STARD9: variants seen among roughly 807,000 people sequenced by gnomAD.
STARD9 encodes the protein stAR-related lipid transfer protein 9.
In STARD9, 346 loss-of-function variants were observed where a neutral mutation model predicts 399.8. That is an observed-to-expected ratio of 0.87 (90% confidence interval 0.79 to 0.95). The LOEUF is 0.95. Ranked by LOEUF, STARD9 falls within the 40% of genes least tolerant of loss-of-function variation. The pLI is 0.00. For synonymous variants in STARD9, 2,203 were observed against 2,143.5 expected, an observed-to-expected ratio of 1.03 and a Z score of -0.77; for missense variants, 5,832 against 5,667.5, an observed-to-expected ratio of 1.03 and a Z score of -0.93.
intron 20 of STARD9, among the ~76,000 whole-genome samples, chr15:42,680,607 G>GA (rs1438018531): frequency 5.3e-5 from 8 of 152,144 alleles, no homozygotes; most frequent in African/African-American, 9.6e-5. Context: ...CTCAAAAAAA[G>GA]AAAAAATCTA....
chr15:42,718,005 CTTTACTACAA>C lies in STARD9; in HGVS notation c.13589_13598del (p.Leu4530ArgfsTer49). 6.5e-7 allele frequency: 1 copy of C among 1,537,202 alleles called. No homozygotes were observed. Among genetic ancestry groups the C allele is most frequent in the Non-Finnish European group, 8.7e-7 (1 of 1,146,912 alleles). The stretch of plus-strand genomic sequence containing the variant: ...TCAGGGTGAGGAGCAGGCGGTGCAG[CTTTACTACAA>C]GGTGTTTTCTCCCACTCGGCATGGC... On this transcript the variant is annotated frameshift_variant, in exon 30 of 33. Transcript: ENST00000290607. LOFTEE classifies it high-confidence loss of function.
intron 26 of STARD9, among the ~76,000 whole-genome samples, chr15:42,715,465 G>C (rs921093884): frequency 1.3e-5 from 2 of 152,042 alleles, no homozygotes; most frequent in African/African-American, 4.8e-5. Flanking sequence ...AGGATCACTT[G>C]AGCCCAGGAG....
At chr15:42,644,308 A>C (rs948453873) in intron 7 of STARD9, among the ~76,000 whole-genome samples, 27 of 152,182 alleles carry the variant, frequency 1.8e-4, no homozygotes, top group African/African-American at 6.3e-4. Flanking sequence ...CCTGGCTAAC[A>C]TGGTGAAACC....
chr15:42,608,871 A>G (rs564961613), intron 3 of STARD9, among the ~76,000 whole-genome samples: 6 of 152,372 alleles, frequency 3.9e-5, no homozygotes, highest in African/African-American at 1.2e-4. Flanking sequence ...ATTTTAGTCA[A>G]CACTCATTTA....
chr15:42,611,443 T>C (rs1259453663), intron 3 of STARD9, among the ~76,000 whole-genome samples: 2 of 152,246 alleles, frequency 1.3e-5, no homozygotes, highest in African/African-American at 2.4e-5. Context: ...TTCCACCTGA[T>C]GGAAGGAAAG....
intron 20 of STARD9, among the ~76,000 whole-genome samples, chr15:42,677,742 C>T (rs114736360): frequency 0.028 from 4,326 of 152,234 alleles, 174 homozygotes; most frequent in African/African-American, 0.088. Flanking sequence ...TCTAAAGAGA[C>T]GATACTGCTA....
intron 26 of STARD9, among the ~76,000 whole-genome samples, chr15:42,697,029 A>G (rs998818440): frequency 6.6e-6 from 1 of 152,216 alleles, no homozygotes; most frequent in Non-Finnish European, 1.5e-5. Flanking sequence ...TAACAAAATA[A>G]TGTTTAAACA....
At chr15:42,649,862 C>G (rs994565327) in intron 7 of STARD9, among the ~76,000 whole-genome samples, 3 of 107,230 alleles carry the variant, frequency 2.8e-5, no homozygotes, top group South Asian at 3.0e-4. Flanking sequence ...CGAGCCTGGC[C>G]TTTTTTTTTT....
chr15:42,643,499 C>T (rs1039671379), intron 7 of STARD9, among the ~76,000 whole-genome samples: 1 of 150,400 alleles, frequency 6.6e-6, no homozygotes, highest in African/African-American at 2.5e-5. Flanking sequence ...CCCGGCCCCT[C>T]GTTCTTTTTA....
chr15:42,665,894 GCTC>G, intron 15 of STARD9, 46 bp downstream of exon 15: 3 of 1,484,824 alleles, frequency 2.0e-6, no homozygotes, highest in Non-Finnish European at 2.7e-6. Context: ...TCACCTGGGA[GCTC>G]CTCCATTATT....
At position 42,689,924 on chromosome 15, in the gene STARD9, G is replaced by A. The variant is rs1391860266; in HGVS notation, c.8346G>A (p.Glu2782=). ...CTGGCAGTCAGGACAGCAGCCCAGAGCATCAGGAACCCAGAACTCTAGACA... is the reference window on the plus strand; with the variant it reads ...CTGGCAGTCAGGACAGCAGCCCAGAACATCAGGAACCCAGAACTCTAGACA... ...IPPGSQDSSP[E]HQEPRTLDTT... is the part of the protein sequence containing the mutation. The change falls in exon 23 of 33, where the codon GAG becomes GAA. Residue 2782 remains glutamate (E), a synonymous_variant. Coordinates refer to ENST00000290607, the MANE Select transcript of STARD9 (RefSeq NM_020759.3). 2.6e-6 allele frequency: 4 copies of A among 1,537,684 alleles called. No homozygotes were observed. The highest frequency in any genetic ancestry group is 2.4e-5 in the East Asian group (1 of 40,922).
Position 42,689,687 on chromosome 15 carries a change from GAA to G in STARD9, c.8113_8114del (p.Lys2705GlufsTer11), listed in dbSNP as rs1448327257. The G allele has an allele frequency of 1.3e-5, 20 of 1,537,842 alleles. No individual in the cohort carries two copies. Among genetic ancestry groups the G allele is most frequent in the Non-Finnish European group, 1.7e-5 (19 of 1,147,046 alleles). The part of the protein sequence containing the change: ...CHSSSSEIIE[K>X]KKDATRTPSS... ...ACTCTAGTTCTTCTGAAATCATAGAGAAAAAGAAAGATGCAACCAGAACACCT... is the reference window on the plus strand; with the variant it reads ...ACTCTAGTTCTTCTGAAATCATAGAGAAAGAAAGATGCAACCAGAACACCT... On this transcript the variant is annotated frameshift_variant, in exon 23 of 33. Transcript: ENST00000290607. LOFTEE classifies it high-confidence loss of function.
At chr15:42,577,556 G>A (rs916205757) in intron 1 of STARD9, among the ~76,000 whole-genome samples, 101 of 152,210 alleles carry the variant, frequency 6.6e-4, no homozygotes, top group African/African-American at 2.3e-3. Context: ...CAAAAGTGAA[G>A]GGAAAATGAA....
At chr15:42,639,032 T>C (rs891449965) in intron 7 of STARD9, among the ~76,000 whole-genome samples, 3 of 152,026 alleles carry the variant, frequency 2.0e-5, no homozygotes, top group Non-Finnish European at 4.4e-5. Context: ...CAATTACAAG[T>C]AGTGATAAAG....
chr15:42,683,793 G>T (rs1362644111), intron 22 of STARD9, among the ~76,000 whole-genome samples: 2 of 152,000 alleles, frequency 1.3e-5, no homozygotes, highest in African/African-American at 4.8e-5. Flanking sequence ...TCACTCTATA[G>T]ATTTATCTTT....
rs1374704790 is a variant in STARD9 at position 42,638,800 on chromosome 15, C to A, written c.547C>A (p.Pro183Thr). 1 of 1,532,522 alleles carries A rather than the reference C, an allele frequency of 6.5e-7. No homozygotes were observed. The highest frequency in any genetic ancestry group is 8.7e-7 in the Non-Finnish European group (1 of 1,143,814). 94.9% of individuals were successfully genotyped at this position (1,532,522 alleles called of 1,614,324 possible). A position where few individuals can be genotyped will look rare whatever the true frequency, so the allele number is the denominator to read the frequency against. The change falls in exon 7 of 33, where the codon CCC (proline) becomes ACC (threonine). Residue 183 changes from proline (P) to threonine (T), a missense_variant. Around this residue, in one of 2 missense-constraint regions of STARD9, gnomAD observed 5,828 missense variants for 5,651.1 expected, o/e 1.03. Coordinates refer to ENST00000290607, the MANE Select transcript of STARD9 (RefSeq NM_020759.3). Reference protein sequence around the residue: ...LRVREHPEMGPYVQGLSQHVV... With the variant: ...LRVREHPEMGTYVQGLSQHVV... ...GGTCAGGGAGCATCCAGAGATGGGGCCCTATGTACAAGGTGAGCTACTGTG... is the reference window on the plus strand; with the variant it reads ...GGTCAGGGAGCATCCAGAGATGGGGACCTATGTACAAGGTGAGCTACTGTG...
intron 26 of STARD9, among the ~76,000 whole-genome samples, chr15:42,706,412 C>CA (rs1444694597): frequency 6.6e-6 from 1 of 150,618 alleles, no homozygotes; most frequent in Non-Finnish European, 1.5e-5. Context: ...TCTAGACCTG[C>CA]ACTACTAATT....
At chr15:42,681,666 A>T (rs2060431175) in intron 21 of STARD9, 54 bp downstream of exon 21, 8 of 1,411,924 alleles carry the variant, frequency 5.7e-6, no homozygotes, top group African/African-American at 1.4e-5. Flanking sequence ...TTTCATTTTC[A>T]TGCTTCCTCA....
intron 16 of STARD9, chr15:42,673,985 A>G (rs143888726): frequency 2.2e-6 from 1 of 456,596 alleles, no homozygotes; most frequent in South Asian, 1.5e-5. Flanking sequence ...GTGTTTCCAT[A>G]AATCTTCACA....
Sources: gnomAD v4.1 joint callset for allele counts (sites outside exome capture counted in the v4.1 genomes callset) on GRCh38, gnomAD v4.1.1 for gene constraint, gnomAD v4.1.1 regional missense constraint, MANE v1.5 for transcripts, NCBI Gene and HGNC (gene_info 2026-07-23, HGNC 2026-07-21) for gene names.